The following ANTXR1 variants were observed in gnomAD, a reference collection of about 807,000 sequenced individuals.
ANTXR1 encodes the protein ANTXR cell adhesion molecule 1.
ANTXR1 carries 19 observed loss-of-function variants against 78.1 expected under a neutral mutation model. The ratio of observed to expected loss-of-function variants is 0.24; its 90% confidence interval spans 0.17 to 0.36. The LOEUF is 0.36. Among genes scored for constraint, ANTXR1 ranks in the 10% least tolerant of loss-of-function variants. ANTXR1 has a pLI of 1.00. For missense variants in ANTXR1, 518 were observed against 718.6 expected, an observed-to-expected ratio of 0.72 and a Z score of 3.19; for synonymous variants, 273 against 260.5, an observed-to-expected ratio of 1.05 and a Z score of -0.46.
At chr2:69,207,912 T>C (rs1674948111) in intron 17 of ANTXR1, among the ~76,000 whole-genome samples, 1 of 152,214 alleles carries the variant, frequency 6.6e-6, no homozygotes, top group Admixed American at 6.5e-5. Context: ...TGGCTGAGTC[T>C]GGGGCTTTTT....
At chr2:69,080,325 T>TC (rs60392967) in intron 8 of ANTXR1, among the ~76,000 whole-genome samples, 18,259 of 151,970 alleles carry the variant, frequency 0.12, 1,241 homozygotes, top group East Asian at 0.22. Flanking sequence ...ACTCTCAATT[T>TC]CCCCCCCATC....
At chr2:69,100,973 T>C (rs1671594779) in intron 9 of ANTXR1, among the ~76,000 whole-genome samples, 1 of 152,194 alleles carries the variant, frequency 6.6e-6, no homozygotes, top group South Asian at 2.1e-4. Context: ...GAAAAAACCA[T>C]AGGCCCGTCA....
chr2:69,060,995 G>C (rs1052923512), intron 3 of ANTXR1, among the ~76,000 whole-genome samples: 8 of 152,100 alleles, frequency 5.3e-5, no homozygotes, highest in African/African-American at 1.9e-4. Context: ...GAATAGAAGG[G>C]AAGGAAGAGT....
chr2:69,245,433 C>T lies in ANTXR1; in HGVS notation c.1643C>T (p.Pro548Leu). 6.2e-7 allele frequency: 1 copy of T among 1,607,702 alleles called. No homozygotes were observed. ...CTTCCCCCTCCTCCCCAGGCTCCAC[C>T]TCCCAACAGGGCACCTCCTCCCTCC... The part of the protein sequence containing the change: ...STLPPPPQAP[P>L]PNRAPPPSRP... Residue 548 changes from proline (P) to leucine (L), a missense_variant, in exon 18 of 18, where the codon CCT becomes CTT. Transcript: ENST00000303714.
At chr2:69,096,602 T>G (rs1236504061) in intron 9 of ANTXR1, among the ~76,000 whole-genome samples, 1 of 152,028 alleles carries the variant, frequency 6.6e-6, no homozygotes, top group African/African-American at 2.4e-5. Context: ...TCAGAGGTTA[T>G]AAACTGGCAG....
chr2:69,119,421 A>G (rs1036793442), intron 10 of ANTXR1, among the ~76,000 whole-genome samples: 2 of 152,248 alleles, frequency 1.3e-5, no homozygotes, highest in African/African-American at 4.8e-5. Flanking sequence ...CTGCTGGTGC[A>G]TGTGCAACAG....
chr2:69,017,058 G>A (rs924502577), intron 1 of ANTXR1, among the ~76,000 whole-genome samples: 1 of 152,238 alleles, frequency 6.6e-6, no homozygotes, highest in Non-Finnish European at 1.5e-5. Context: ...GTTGCTGGAA[G>A]AGAAGGATAT....
At chr2:69,057,859 C>T (rs1333136754) in intron 3 of ANTXR1, among the ~76,000 whole-genome samples, 3 of 152,100 alleles carry the variant, frequency 2.0e-5, no homozygotes, top group Non-Finnish European at 4.4e-5. Flanking sequence ...GCAAAGGAAA[C>T]GTTTTTAAAG....
chr2:69,182,980 TA>T (rs34296585), intron 16 of ANTXR1: 9,914 of 208,154 alleles, frequency 0.048, no homozygotes, highest in South Asian at 0.067. Flanking sequence ...TGTTCCATAT[TA>T]AAAAAAAAAA....
At chr2:69,238,657 C>A (rs1051889011) in intron 17 of ANTXR1, among the ~76,000 whole-genome samples, 6 of 152,182 alleles carry the variant, frequency 3.9e-5, no homozygotes, top group Non-Finnish European at 1.5e-5. Flanking sequence ...ACTTGGGAAA[C>A]CTAATTCATT....
intron 17 of ANTXR1, among the ~76,000 whole-genome samples, chr2:69,201,883 CA>C (rs554420891): frequency 1.3e-5 from 2 of 152,250 alleles, no homozygotes; most frequent in South Asian, 2.1e-4. Context: ...AGGTCAGGAC[CA>C]GGGGGAAGCA....
At chr2:69,144,986 C>A (rs1284336301) in intron 12 of ANTXR1, among the ~76,000 whole-genome samples, 5 of 152,172 alleles carry the variant, frequency 3.3e-5, no homozygotes, top group Non-Finnish European at 7.3e-5. Context: ...TAAAGCATGC[C>A]TCTTTCCTGC....
chr2:69,197,811 T>C (rs576976208), intron 17 of ANTXR1, among the ~76,000 whole-genome samples: 36 of 152,326 alleles, frequency 2.4e-4, no homozygotes, highest in Admixed American at 2.0e-3. Context: ...GGCAAATGGT[T>C]GAAGGAATTT....
chr2:69,235,180 C>T (rs1246912587), intron 17 of ANTXR1, among the ~76,000 whole-genome samples: 8 of 151,962 alleles, frequency 5.3e-5, no homozygotes, highest in Middle Eastern at 3.4e-3. Flanking sequence ...TGTGCCACCA[C>T]GCCCAGCTAA....
chr2:69,147,796 A>G (rs945122068), intron 12 of ANTXR1, among the ~76,000 whole-genome samples: 6 of 152,168 alleles, frequency 3.9e-5, no homozygotes, highest in Non-Finnish European at 7.3e-5. Flanking sequence ...AGTGAGTTAC[A>G]TATCTTCACT....
chr2:69,128,721 A>C (rs1672629833), intron 12 of ANTXR1, among the ~76,000 whole-genome samples: 1 of 152,182 alleles, frequency 6.6e-6, no homozygotes, highest in African/African-American at 2.4e-5. Context: ...CCAAAATATG[A>C]AGTAAGGTCT....
intron 17 of ANTXR1, among the ~76,000 whole-genome samples, chr2:69,226,967 T>A (rs1425848205): frequency 6.6e-6 from 1 of 152,146 alleles, no homozygotes; most frequent in Admixed American, 6.5e-5. Flanking sequence ...ATTTAATTAG[T>A]GCAGGCTGGA....
At chr2:69,157,093 T>C (rs1044898082) in intron 13 of ANTXR1, among the ~76,000 whole-genome samples, 4 of 152,190 alleles carry the variant, frequency 2.6e-5, no homozygotes, top group Non-Finnish European at 5.9e-5. Context: ...ATCCTTCGCT[T>C]GCAAAACTGA....
chr2:69,198,912 T>C (rs1221853646), intron 17 of ANTXR1, among the ~76,000 whole-genome samples: 1 of 152,212 alleles, frequency 6.6e-6, no homozygotes, highest in African/African-American at 2.4e-5. Flanking sequence ...GAAGTGGATG[T>C]ATTAATAGAA....
Sources: allele counts gnomAD v4.1 joint callset (sites outside exome capture counted in the v4.1 genomes callset), GRCh38; gene constraint gnomAD v4.1.1; transcripts MANE v1.5; gene names NCBI Gene and HGNC (gene_info 2026-07-23, HGNC 2026-07-21).